ATR: variants seen among roughly 807,000 people sequenced by gnomAD.
ATR encodes ATR checkpoint kinase.
A neutral mutation model predicts 305.3 loss-of-function variants in ATR; 142 were observed. That is an observed-to-expected ratio of 0.47 (90% CI 0.41 to 0.53). The LOEUF (loss-of-function observed/expected upper bound fraction) is 0.53. Among genes scored for constraint, ATR ranks in the 20% least tolerant of loss-of-function variants. ATR has a pLI of 0.00. For missense variants in ATR, 2,135 were observed against 3,133.1 expected, an observed-to-expected ratio of 0.68 and a Z score of 7.60; for synonymous variants, 1,050 against 1,068.1, an observed-to-expected ratio of 0.98 and a Z score of 0.33.
chr3:142,495,610 G>A (rs1029174109), intron 34 of ATR, among the ~76,000 whole-genome samples: 2 of 152,026 alleles, frequency 1.3e-5, no homozygotes, highest in African/African-American at 4.8e-5. Context: ...CAGGTGTGGT[G>A]GCACACACCC....
chr3:142,571,465 C>CAATA lies in ATR; in HGVS notation c.60-3315_60-3312dup, dbSNP rs72292987. 3.9e-3 allele frequency among the ~76,000 whole-genome samples: 564 copies of CAATA among 143,242 alleles called. 2 individuals are homozygous for CAATA. The highest frequency in any genetic ancestry group is 6.8e-3 in the East Asian group (33 of 4,824). 94.0% of individuals were successfully genotyped at this position (143,242 alleles called of 152,430 possible). A position where few individuals can be genotyped will look rare whatever the true frequency, so the allele number is the denominator to read the frequency against. The stretch of plus-strand genomic sequence containing the variant: ...TGGGCGACAGAGCGAGACTCAGTCT[C>CAATA]AATAAATAAATAAATAAATAAATAA... On this transcript the variant is annotated intron_variant, in intron 1 of 46. Transcript: ENST00000350721.
At chr3:142,525,073 T>A (rs1051694395) in intron 21 of ATR, among the ~76,000 whole-genome samples, 2 of 152,202 alleles carry the variant, frequency 1.3e-5, no homozygotes, top group African/African-American at 4.8e-5. Flanking sequence ...AATAGCTGAT[T>A]TCTTAAATAA....
Position 142,485,332 on chromosome 3 carries a change from T to C in ATR, c.6079-50A>G, listed in dbSNP as rs1026447351. On this transcript the variant is annotated intron_variant, in intron 35 of 46. Transcript: ENST00000350721. ...TACCTAAGGAAATCCCACGCTATGC[T>C]GGGAAGTAAAATATGAATAGATGAT... 7.5e-6 allele frequency: 12 copies of C among 1,601,228 alleles called. No homozygotes were observed. The Admixed American group carries it at 1.4e-4, about 18-fold the overall frequency.
At chr3:142,567,123 A>G (rs1252175701) in intron 2 of ATR, among the ~76,000 whole-genome samples, 2 of 152,194 alleles carry the variant, frequency 1.3e-5, no homozygotes, top group Admixed American at 6.5e-5. Flanking sequence ...TCAAACATGT[A>G]CTTCAGGAAT....
chr3:142,574,276 G>C (rs1256839704), intron 1 of ATR, among the ~76,000 whole-genome samples: 2 of 151,794 alleles, frequency 1.3e-5, no homozygotes, highest in Non-Finnish European at 2.9e-5. Flanking sequence ...ACCAGCCTGG[G>C]CAACATGGTG....
At chr3:142,531,264 T>A (rs1030181607) in intron 21 of ATR, among the ~76,000 whole-genome samples, 4 of 151,312 alleles carry the variant, frequency 2.6e-5, no homozygotes, top group African/African-American at 9.7e-5. Flanking sequence ...ATTTTATTTT[T>A]ATTATTATAC....
intron 15 of ATR, among the ~76,000 whole-genome samples, chr3:142,549,147 T>C (rs1008201872): frequency 3.3e-5 from 5 of 152,202 alleles, no homozygotes; most frequent in Non-Finnish European, 2.9e-5. Context: ...TTGAAGGTGA[T>C]TGCCTCTTCC....
chr3:142,496,187 T>G (rs372778130), intron 34 of ATR, among the ~76,000 whole-genome samples, 174 bp downstream of exon 34: 11 of 149,856 alleles, frequency 7.3e-5, no homozygotes, highest in African/African-American at 2.7e-4. Flanking sequence ...GGTAGATAAC[T>G]AATGAAGAAA....
chr3:142,556,379 A>C lies in ATR; in HGVS notation c.2078+4T>G. On this transcript the variant is annotated splice_donor_region_variant and intron_variant, in intron 9 of 46. Transcript: ENST00000350721. ...TATATTCAAATTAAAATCTTAGTACATACATAAGAATCTTGGGAACTCTGT... is the reference window on the plus strand; with the variant it reads ...TATATTCAAATTAAAATCTTAGTACCTACATAAGAATCTTGGGAACTCTGT... 1 of 1,609,744 alleles carries C rather than the reference A, an allele frequency of 6.2e-7. No individual in the cohort carries two copies.
chr3:142,559,243 G>A lies in ATR; in HGVS notation c.1732+8C>T, dbSNP rs1295049845. The A allele has an allele frequency of 1.2e-6, 2 of 1,610,394 alleles. No homozygotes were observed. The highest frequency in any genetic ancestry group is 1.3e-5 in the African/African-American group (1 of 74,820). On this transcript the variant is annotated splice_region_variant and intron_variant, in intron 7 of 46. Transcript: ENST00000350721. ...GGTTATTCTGATCTGTTGCTAATTT[G>A]TACTCACCTTGCATATAAATCAAAG...
chr3:142,450,508 G>T, intron 46 of ATR: 1 of 1,604,590 alleles, frequency 6.2e-7, no homozygotes, highest in Non-Finnish European at 8.5e-7. Flanking sequence ...GGATCCTTGT[G>T]AGGCTATTTC....
chr3:142,561,122 G>A (rs2034863230), intron 5 of ATR, 121 bp downstream of exon 5: 1 of 1,118,590 alleles, frequency 8.9e-7, no homozygotes, highest in Admixed American at 2.1e-5. Flanking sequence ...CACTCCCTTG[G>A]CTACATTTAG....
intron 18 of ATR, among the ~76,000 whole-genome samples, chr3:142,539,488 C>A (rs1255518598): frequency 6.6e-6 from 1 of 152,038 alleles, no homozygotes; most frequent in African/African-American, 2.4e-5. Flanking sequence ...AAAAAATAAT[C>A]AAACTTATAA....
chr3:142,534,129 A>C (rs1316409056), intron 21 of ATR, among the ~76,000 whole-genome samples: 2 of 152,138 alleles, frequency 1.3e-5, no homozygotes, highest in Admixed American at 1.3e-4. Context: ...AAAGGCTAAA[A>C]GTCCTTTGAG....
At chr3:142,540,804 T>A in intron 18 of ATR, 100 bp downstream of exon 18, 6 of 1,378,430 alleles carry the variant, frequency 4.4e-6, no homozygotes, top group Non-Finnish European at 6.0e-6. Flanking sequence ...ACCTTATTTA[T>A]TATTTGAACC....
chr3:142,527,188 T>C (rs1177299402), intron 21 of ATR, among the ~76,000 whole-genome samples: 1 of 152,222 alleles, frequency 6.6e-6, no homozygotes, highest in Non-Finnish European at 1.5e-5. Context: ...TTTTGTTTCA[T>C]GCTATCTTTT....
At chr3:142,451,162 A>G in intron 46 of ATR, 1 of 1,213,432 alleles carries the variant, frequency 8.2e-7, no homozygotes, top group South Asian at 1.6e-5. Context: ...CCACTGAGGA[A>G]TCTTCCAAAG....
At chr3:142,481,343 G>C (rs2030463353) in intron 36 of ATR, among the ~76,000 whole-genome samples, 3 of 152,162 alleles carry the variant, frequency 2.0e-5, no homozygotes, top group Non-Finnish European at 4.4e-5. Flanking sequence ...TATTAATGTG[G>C]TATATCAAAT....
intron 1 of ATR, among the ~76,000 whole-genome samples, chr3:142,569,935 A>G (rs1312170660): frequency 2.6e-5 from 4 of 152,164 alleles, no homozygotes; most frequent in African/African-American, 9.7e-5. Flanking sequence ...ATCAGCCAAC[A>G]TGCCCAGCCC....
Sources: allele counts gnomAD v4.1 joint callset (sites outside exome capture counted in the v4.1 genomes callset), GRCh38; gene constraint gnomAD v4.1.1; transcripts MANE v1.5; gene names NCBI Gene and HGNC (gene_info 2026-07-23, HGNC 2026-07-21).